Variants in GUCA1C observed in about 807,000 individuals in gnomAD.
The protein encoded by GUCA1C is guanylyl cyclase-activating protein 3.
Under a neutral mutation model 16.2 loss-of-function variants are expected in GUCA1C, and 15 were observed. That is an observed-to-expected ratio of 0.93 (90% CI 0.62 to 1.43). GUCA1C has a LOEUF of 1.43. Ranked by LOEUF, GUCA1C falls within the 40% of genes most tolerant of loss-of-function variation. GUCA1C has a pLI of 0.00. For missense variants in GUCA1C, 275 were observed against 244.8 expected (o/e 1.12, Z -0.82); for synonymous variants, 78 against 85.4 (o/e 0.91, Z 0.48).
intron 2 of GUCA1C, among the ~76,000 whole-genome samples, chr3:108,917,107 C>A (rs974936819): frequency 1.3e-5 from 2 of 152,128 alleles, no homozygotes; most frequent in Non-Finnish European, 2.9e-5. Context: ...AAGTTTAGGT[C>A]TGATGGATCT....
chr3:108,912,037 C>G (rs921861727), intron 3 of GUCA1C, among the ~76,000 whole-genome samples: 6 of 150,682 alleles, frequency 4.0e-5, no homozygotes, highest in Non-Finnish European at 7.4e-5. Context: ...ACCCGGGAGG[C>G]GGAGGTTGCA....
rs773182877 is a variant in GUCA1C, at chr3:108,916,140, A to G, written c.429T>C (p.Asp143=). 4.3e-6 allele frequency: 7 copies of G among 1,613,052 alleles called. No homozygotes were observed. The highest frequency in any genetic ancestry group is 3.3e-5 in the Admixed American group (2 of 59,998). ...EFINLVFHKI[D]INNDGELTLE... ...TAGCTCCATTACCATCATTGTTTAT[A>G]TCGATCTTATGGAACACCAAGTTGA... The change falls in exon 3 of 4, where the codon GAT becomes GAC. Residue 143 remains aspartate (D), a synonymous_variant. Coordinates refer to ENST00000261047, the MANE Select transcript of GUCA1C (RefSeq NM_005459.4).
chr3:108,936,084 G>A (rs1576553043), intron 1 of GUCA1C, among the ~76,000 whole-genome samples: 2 of 152,208 alleles, frequency 1.3e-5, no homozygotes, highest in Non-Finnish European at 2.9e-5. Flanking sequence ...GGGCAACATG[G>A]TGAAGCCCCG....
At chr3:108,912,449 G>T (rs1398047144) in intron 3 of GUCA1C, among the ~76,000 whole-genome samples, 3 of 151,126 alleles carry the variant, frequency 2.0e-5, no homozygotes, top group African/African-American at 7.3e-5. Flanking sequence ...TCAATTTTTT[G>T]CCTCTGTCTC....
intron 3 of GUCA1C, among the ~76,000 whole-genome samples, chr3:108,915,743 A>G (rs1179841885): frequency 6.6e-6 from 1 of 152,028 alleles, no homozygotes; most frequent in Non-Finnish European, 1.5e-5. Context: ...AGTAGGGAAA[A>G]CTTGAGTTTA....
chr3:108,915,918 G>A (rs914774561), intron 3 of GUCA1C: 4 of 575,610 alleles, frequency 6.9e-6, no homozygotes, highest in African/African-American at 5.6e-5. Context: ...ATCCCAACAT[G>A]TCAAGCACCA....
chr3:108,921,969 T>C (rs928696800), intron 1 of GUCA1C, among the ~76,000 whole-genome samples: 1 of 152,158 alleles, frequency 6.6e-6, no homozygotes, highest in Non-Finnish European at 1.5e-5. Context: ...GTATCATTCT[T>C]ATACCTTTGC....
At chr3:108,953,356 G>T (rs1576560354) in intron 1 of GUCA1C, among the ~76,000 whole-genome samples, 1 of 152,044 alleles carries the variant, frequency 6.6e-6, no homozygotes, top group East Asian at 1.9e-4. Context: ...GGTGGGAGAG[G>T]CTAGTTCCCA....
intron 1 of GUCA1C, among the ~76,000 whole-genome samples, chr3:108,943,198 A>T (rs1220871389): frequency 1.3e-5 from 2 of 152,166 alleles, no homozygotes; most frequent in Non-Finnish European, 2.9e-5. Context: ...GGTGTGGAAT[A>T]AGGGAAGGAA....
intron 3 of GUCA1C, 58 bp from the exon 4 acceptor site, chr3:108,908,267 T>A (rs1010248307): frequency 2.0e-6 from 2 of 1,017,658 alleles, no homozygotes; most frequent in Non-Finnish European, 3.0e-6. Flanking sequence ...CTGGCACAAA[T>A]GATATACTCA....
intron 3 of GUCA1C, among the ~76,000 whole-genome samples, chr3:108,911,523 G>A (rs1023844314): frequency 4.7e-4 from 71 of 152,322 alleles, no homozygotes; most frequent in African/African-American, 1.6e-3. Context: ...GAGGATGCTG[G>A]TGAAGATTTT....
chr3:108,934,851 T>C (rs992387383), intron 1 of GUCA1C, among the ~76,000 whole-genome samples: 2 of 146,696 alleles, frequency 1.4e-5, no homozygotes, highest in African/African-American at 5.1e-5. Context: ...TCTCCCTCTT[T>C]CACCCAGGCC....
At chr3:108,941,496 C>A (rs1374465119) in intron 1 of GUCA1C, among the ~76,000 whole-genome samples, 1 of 152,176 alleles carries the variant, frequency 6.6e-6, no homozygotes, top group African/African-American at 2.4e-5. Context: ...AGACTTTTGA[C>A]AAGTCTTTTA....
intron 3 of GUCA1C, among the ~76,000 whole-genome samples, chr3:108,911,365 G>A (rs1405963641): frequency 1.3e-5 from 2 of 152,052 alleles, no homozygotes; most frequent in Non-Finnish European, 2.9e-5. Flanking sequence ...AGTCATCCTG[G>A]TTTTAAAATA....
At chr3:108,948,773 G>T (rs1337702076) in intron 1 of GUCA1C, among the ~76,000 whole-genome samples, 1 of 151,408 alleles carries the variant, frequency 6.6e-6, no homozygotes, top group Non-Finnish European at 1.5e-5. Flanking sequence ...AAATTTCTCA[G>T]AATATGCTGT....
chr3:108,927,320 T>C (rs776669796), intron 1 of GUCA1C, among the ~76,000 whole-genome samples: 2 of 152,212 alleles, frequency 1.3e-5, no homozygotes, highest in African/African-American at 2.4e-5. Flanking sequence ...CCCTCAAATA[T>C]GTTTTCTAAA....
chr3:108,935,175 A>C (rs1391963031), intron 1 of GUCA1C, among the ~76,000 whole-genome samples: 16 of 152,000 alleles, frequency 1.1e-4, no homozygotes, highest in Admixed American at 1.0e-3. Context: ...TGGCAACAAT[A>C]GAAACTGGGG....
intron 1 of GUCA1C, among the ~76,000 whole-genome samples, chr3:108,946,111 A>AAGAGTTT (rs1370304302): frequency 9.9e-5 from 15 of 152,256 alleles, no homozygotes; most frequent in Middle Eastern, 3.4e-3. Context: ...GTTAATCTAA[A>AAGAGTTT]AGAGTTTCAT....
chr3:108,936,468 T>C (rs186481273), intron 1 of GUCA1C, among the ~76,000 whole-genome samples: 1 of 152,282 alleles, frequency 6.6e-6, no homozygotes, highest in East Asian at 1.9e-4. Context: ...ATAAAACTGA[T>C]TTTCAGAGAA....
Sources: gnomAD v4.1 joint callset for allele counts (sites outside exome capture counted in the v4.1 genomes callset) on GRCh38, gnomAD v4.1.1 for gene constraint, MANE v1.5 for transcripts, NCBI Gene and HGNC (gene_info 2026-07-23, HGNC 2026-07-21) for gene names.